TOM1L2: variants seen among roughly 807,000 people sequenced by gnomAD.
TOM1L2 encodes target of myb1 like 2 membrane trafficking protein, also known as TOM1-like protein 2.
TOM1L2 carries 31 observed loss-of-function variants against 67.9 expected under a neutral mutation model. The ratio of observed to expected loss-of-function variants is 0.46; its 90% CI spans 0.34 to 0.62. TOM1L2 has a LOEUF of 0.62. Among genes scored for constraint, TOM1L2 ranks in the 20% least tolerant of loss-of-function variants. TOM1L2 has a pLI of 0.01. For synonymous variants in TOM1L2, 256 were observed against 254.0 expected, an observed-to-expected ratio of 1.01 and a Z score of -0.07; for missense variants, 606 against 663.5, an observed-to-expected ratio of 0.91 and a Z score of 0.95.
At position 17,959,488 on chromosome 17, in the gene TOM1L2, G is replaced by A. The variant is rs540225942; in HGVS notation, c.52+12774C>T. ...AATACCACTAAGACCCTTTCAACTA[G>A]AGTCTTCTGATTCTTTGAATTGCTG... On this transcript the variant is annotated intron_variant, in intron 1 of 14. Transcript: ENST00000379504. Among the ~76,000 whole-genome samples, 3 of 152,134 alleles carry A rather than the reference G, an allele frequency of 2.0e-5. No homozygotes were observed. The South Asian group carries it at 6.2e-4, about 32-fold the overall frequency.
intron 2 of TOM1L2, among the ~76,000 whole-genome samples, chr17:17,902,694 G>A (rs2038911195): frequency 1.3e-5 from 2 of 152,338 alleles, no homozygotes; most frequent in South Asian, 4.1e-4. Flanking sequence ...CACCAAGATA[G>A]TCACCAAGAC....
At chr17:17,917,511 C>T (rs2144569495) in intron 1 of TOM1L2, among the ~76,000 whole-genome samples, 1 of 116,268 alleles carries the variant, frequency 8.6e-6, no homozygotes, top group East Asian at 2.7e-4. Flanking sequence ...GTTGCCCAGT[C>T]TGGACTCAAA....
chr17:17,923,520 C>T (rs1183046533), intron 1 of TOM1L2, among the ~76,000 whole-genome samples: 5 of 150,528 alleles, frequency 3.3e-5, no homozygotes, highest in Admixed American at 2.6e-4. Flanking sequence ...CCTGTCTCTA[C>T]AAAAAAAAAT....
intron 12 of TOM1L2, chr17:17,851,246 G>A: frequency 2.3e-6 from 1 of 436,356 alleles, no homozygotes; most frequent in Non-Finnish European, 4.3e-6. Flanking sequence ...GACTATGAGT[G>A]TCCACTCTCA....
At chr17:17,903,793 T>C (rs1247956738) in intron 2 of TOM1L2, among the ~76,000 whole-genome samples, 1 of 151,832 alleles carries the variant, frequency 6.6e-6, no homozygotes, top group Non-Finnish European at 1.5e-5. Flanking sequence ...AGAGGACTTG[T>C]CCAAATCAGG....
At chr17:17,912,288 C>G (rs867805887) in intron 1 of TOM1L2, among the ~76,000 whole-genome samples, 3,506 of 140,718 alleles carry the variant, frequency 0.025, 12 homozygotes, top group African/African-American at 0.081. Flanking sequence ...GGGGGGCTGA[C>G]CCCCCCACCT....
intron 4 of TOM1L2, among the ~76,000 whole-genome samples, chr17:17,891,645 C>T (rs1252875255): frequency 6.6e-6 from 1 of 152,200 alleles, no homozygotes; most frequent in Non-Finnish European, 1.5e-5. Flanking sequence ...AGCTCTACCA[C>T]AGGACATGCT....
intron 1 of TOM1L2, among the ~76,000 whole-genome samples, chr17:17,940,704 A>G (rs1365406384): frequency 6.6e-6 from 1 of 152,234 alleles, no homozygotes; most frequent in Non-Finnish European, 1.5e-5. Context: ...TGGTCTCCAC[A>G]GCTGTCATTG....
Position 17,845,331 on chromosome 17 carries a change from T to A in TOM1L2, c.*2304A>T, listed in dbSNP as rs3744113. On this transcript the variant is annotated 3_prime_UTR_variant, in exon 15 of 15. Coordinates refer to ENST00000379504, the MANE Select transcript of TOM1L2 (RefSeq NM_001082968.2). Reference sequence around the variant, plus strand: ...TGGGGCAGCCAGGCCTCTCCAATGATGCCTGGCAACCAGCTGGCGCTGGCG... The same window carrying A: ...TGGGGCAGCCAGGCCTCTCCAATGAAGCCTGGCAACCAGCTGGCGCTGGCG... 1 of 152,176 alleles carries A rather than the reference T, an allele frequency of 6.6e-6. No individual in the cohort carries two copies. The highest frequency in any genetic ancestry group is 2.4e-5 in the African/African-American group (1 of 41,436). The allele number at this position is 152,176 out of a possible 1,614,324, so 9.4% of individuals were successfully genotyped here.
At chr17:17,925,682 C>CAAA (rs1193121320) in intron 1 of TOM1L2, among the ~76,000 whole-genome samples, 8 of 79,696 alleles carry the variant, frequency 1.0e-4, no homozygotes, top group African/African-American at 2.0e-4. Context: ...TCGTGTCTAC[C>CAAA]AAAAAAAAAA....
chr17:17,884,863 G>T, intron 4 of TOM1L2, 95 bp from the exon 5 acceptor site: 1 of 1,521,982 alleles, frequency 6.6e-7, no homozygotes, highest in African/African-American at 1.4e-5. Context: ...CGAGACCAGT[G>T]CTCTCCTACT....
intron 1 of TOM1L2, among the ~76,000 whole-genome samples, chr17:17,923,006 A>C (rs1342997020): frequency 6.6e-6 from 1 of 152,234 alleles, no homozygotes; most frequent in East Asian, 1.9e-4. Context: ...CACCAGGAAC[A>C]AGGCTATAAA....
intron 1 of TOM1L2, among the ~76,000 whole-genome samples, chr17:17,961,403 C>G (rs1313778614): frequency 1.3e-5 from 2 of 151,850 alleles, no homozygotes; most frequent in Admixed American, 1.3e-4. Context: ...CTTGCCACTA[C>G]AAAAAAATAA....
intron 12 of TOM1L2, chr17:17,857,738 A>G: frequency 2.0e-6 from 3 of 1,529,394 alleles, no homozygotes; most frequent in Non-Finnish European, 2.6e-6. Context: ...TGGGGTGGAC[A>G]GCAGGCTTGG....
chr17:17,956,509 C>T (rs540411460), intron 1 of TOM1L2, among the ~76,000 whole-genome samples: 47 of 152,356 alleles, frequency 3.1e-4, no homozygotes, highest in Non-Finnish European at 5.6e-4. Context: ...CTCCTCAGCC[C>T]TTGGGCGGTC....
At chr17:17,867,278 T>C (rs2036904709) in intron 8 of TOM1L2, among the ~76,000 whole-genome samples, 2 of 152,120 alleles carry the variant, frequency 1.3e-5, no homozygotes. Flanking sequence ...TTCATAGGGC[T>C]GTGTTCAGGA....
At chr17:17,879,392 G>A (rs1189586962) in intron 7 of TOM1L2, among the ~76,000 whole-genome samples, 1 of 142,502 alleles carries the variant, frequency 7.0e-6, no homozygotes, top group Middle Eastern at 3.2e-3. Flanking sequence ...TCTACAACTG[G>A]CATTTTATAA....
At chr17:17,865,742 CTTTTTTT>C (rs35408977) in intron 10 of TOM1L2, among the ~76,000 whole-genome samples, 1 of 103,538 alleles carries the variant, frequency 9.7e-6, no homozygotes, top group Non-Finnish European at 2.0e-5. Flanking sequence ...GGTGACCTTT[CTTTTTTT>C]TTTTTTTTTT....
intron 1 of TOM1L2, among the ~76,000 whole-genome samples, chr17:17,922,295 C>A (rs950619526): frequency 2.0e-5 from 3 of 152,164 alleles, no homozygotes; most frequent in African/African-American, 7.2e-5. Context: ...CCTCCCAGGG[C>A]CAGGGCCTCG....
Sources: allele counts gnomAD v4.1 joint callset (sites outside exome capture counted in the v4.1 genomes callset), GRCh38; gene constraint gnomAD v4.1.1; transcripts MANE v1.5; gene names NCBI Gene and HGNC (gene_info 2026-07-23, HGNC 2026-07-21).